The following RUVBL2 variants were observed in gnomAD, a reference collection of about 807,000 sequenced individuals.
The protein encoded by RUVBL2 is ruvB-like 2.
In RUVBL2, 9 loss-of-function variants were observed where a neutral mutation model predicts 57.9. That is an observed-to-expected ratio of 0.16 (90% CI 0.09 to 0.27). RUVBL2 has a LOEUF of 0.27. RUVBL2 is among the 10% of genes least tolerant of loss of function. The pLI, the probability that RUVBL2 is intolerant of heterozygous loss-of-function variation, is 1.00. For missense variants in RUVBL2, 456 were observed against 669.6 expected (o/e 0.68, Z 3.52); for synonymous variants, 278 against 264.6 (o/e 1.05, Z -0.49).
At chr19:48,996,502 CTGTGTGTGTGTGTGTGTGTGTGTGTG>C (rs72341497) in intron 1 of RUVBL2, among the ~76,000 whole-genome samples, 2 of 138,148 alleles carry the variant, frequency 1.4e-5, no homozygotes, top group Non-Finnish European at 1.5e-5. Flanking sequence ...ATTTTTGTAT[CTGTGTGTGTGTGTGTGTGTGTGTGTG>C]TGTGTGTGTG....
intron 9 of RUVBL2, 64 bp downstream of exon 9, chr19:49,010,675 C>A (rs1055872813): frequency 1.9e-6 from 3 of 1,596,940 alleles, no homozygotes; most frequent in Non-Finnish European, 2.6e-6. Context: ...CCCTCGGGCT[C>A]CCTCTGTTCC....
intron 3 of RUVBL2, among the ~76,000 whole-genome samples, chr19:49,003,996 G>C (rs1179681333): frequency 4.6e-5 from 7 of 150,910 alleles, no homozygotes; most frequent in African/African-American, 1.5e-4. Context: ...CACATTTGTG[G>C]TCCCAGCTAC....
intron 2 of RUVBL2, chr19:49,001,724 T>G (rs2039187225): frequency 6.6e-6 from 1 of 151,636 alleles, no homozygotes; most frequent in Non-Finnish European, 1.5e-5. Context: ...ACCATTCTCC[T>G]GTCAGCCTTC....
At chr19:49,003,254 G>A (rs758107329) in intron 2 of RUVBL2, 25 bp from the exon 3 acceptor site, 29 of 1,611,528 alleles carry the variant, frequency 1.8e-5, no homozygotes, top group Non-Finnish European at 2.5e-5. Context: ...TAGTAACTGA[G>A]TCTTTGTTCT....
Position 49,015,626 on chromosome 19 carries a change from G to A in RUVBL2, c.1306G>A (p.Glu436Lys), listed in dbSNP as rs751204254. ...GCGGGTCTACTCACTCTTCCTGGACGAGTCCCGCTCCACGCAGTACATGAA... is the reference window on the plus strand; with the variant it reads ...GCGGGTCTACTCACTCTTCCTGGACAAGTCCCGCTCCACGCAGTACATGAA... ...IKRVYSLFLD[E>K]SRSTQYMKEY... The change falls in exon 14 of 15, where the codon GAG becomes AAG. Residue 436 changes from glutamate (E) to lysine (K), a missense_variant. Glu to Lys is a moderately conservative substitution (Grantham distance 56, BLOSUM62 1). Transcript: ENST00000595090. The A allele has an allele frequency of 3.1e-6, 5 of 1,614,100 alleles. No homozygotes were observed. The highest frequency in any genetic ancestry group is 2.2e-5 in the East Asian group (1 of 44,880).
At chr19:49,009,753 C>A (rs766572007) in intron 6 of RUVBL2, 23 bp from the exon 7 acceptor site, 2 of 1,604,758 alleles carry the variant, frequency 1.2e-6, no homozygotes, top group Non-Finnish European at 1.7e-6. Context: ...TGAGCCCCAT[C>A]CCTGGCTTGT....
In RUVBL2 at chr19:49,007,371, G is replaced by A; in HGVS notation, c.462+3G>A. 1.2e-6 allele frequency: 2 copies of A among 1,613,384 alleles called. No homozygotes were observed. The highest frequency in any genetic ancestry group is 1.7e-5 in the Admixed American group (1 of 59,936). On this transcript the variant is annotated splice_donor_region_variant and intron_variant, in intron 6 of 14. Coordinates refer to ENST00000595090, the MANE Select transcript of RUVBL2 (RefSeq NM_006666.3). ...TTGATCGACCAGCAACAGGGACGGT[G>A]AGTCTGTGTGAGTCTGTACCCTGCT...
At chr19:48,999,512 G>A (rs1428254484) in intron 2 of RUVBL2, 139 bp downstream of exon 2, 2 of 831,894 alleles carry the variant, frequency 2.4e-6, no homozygotes, top group Non-Finnish European at 4.0e-6. Flanking sequence ...TCCCCCACTC[G>A]CCCTATCTAA....
intron 4 of RUVBL2, among the ~76,000 whole-genome samples, chr19:49,004,950 GGTT>G (rs1464588471): frequency 1.3e-5 from 2 of 151,028 alleles, no homozygotes; most frequent in Non-Finnish European, 2.9e-5. Context: ...TTGGGCAAAA[GGTT>G]GTTGTAAAAA....
At chr19:49,010,223 C>T in intron 8 of RUVBL2, 157 bp downstream of exon 8, 2 of 777,370 alleles carry the variant, frequency 2.6e-6, no homozygotes, top group Non-Finnish European at 4.2e-6. Context: ...GACAGCAGGG[C>T]CCCTCAGCCT....
chr19:49,006,191 G>T (rs996037309), intron 4 of RUVBL2, among the ~76,000 whole-genome samples: 1 of 152,258 alleles, frequency 6.6e-6, no homozygotes. Context: ...TTGTGTATCC[G>T]CAAAGAGGAC....
intron 3 of RUVBL2, among the ~76,000 whole-genome samples, chr19:49,004,025 A>C (rs2039234174): frequency 1.4e-5 from 2 of 145,420 alleles, no homozygotes; most frequent in Non-Finnish European, 3.0e-5. Context: ...CTGAGGTGGA[A>C]GGATCTCTTG....
upstream of RUVBL2, chr19:48,993,528 G>A (rs1301734142): frequency 1.1e-5 from 5 of 446,802 alleles, no homozygotes; most frequent in South Asian, 1.1e-4. Flanking sequence ...GTGGCCTTCA[G>A]CTCTGTCAAT....
intron 11 of RUVBL2, among the ~76,000 whole-genome samples, chr19:49,012,823 C>G (rs558923488): frequency 6.0e-5 from 9 of 150,090 alleles, no homozygotes; most frequent in Middle Eastern, 6.8e-3. Flanking sequence ...GATCATGGCA[C>G]ACTGCAGCCT....
At chr19:49,004,035 G>A (rs1364029513) in intron 3 of RUVBL2, among the ~76,000 whole-genome samples, 2 of 138,612 alleles carry the variant, frequency 1.4e-5, no homozygotes, top group African/African-American at 5.4e-5. Context: ...AGGATCTCTT[G>A]ATCCCTAGAG....
At chr19:49,002,095 C>T (rs912767572) in intron 2 of RUVBL2, among the ~76,000 whole-genome samples, 4 of 151,650 alleles carry the variant, frequency 2.6e-5, no homozygotes. Flanking sequence ...GTTGCCCAGG[C>T]TGGAGTGCAG....
chr19:49,002,330 G>A (rs1907592707), intron 2 of RUVBL2, among the ~76,000 whole-genome samples: 1 of 151,698 alleles, frequency 6.6e-6, no homozygotes. Flanking sequence ...GATTATAAGC[G>A]TGAGCCACCG....
intron 1 of RUVBL2, among the ~76,000 whole-genome samples, chr19:48,996,160 A>C (rs146415047): frequency 2.0e-4 from 30 of 151,952 alleles, no homozygotes; most frequent in African/African-American, 7.0e-4. Context: ...CAAAAAAAAA[A>C]ACACAAACCT....
Position 49,010,348 on chromosome 19 carries a change from G to C in RUVBL2, c.664-140G>C, listed in dbSNP as rs570581025. On this transcript the variant is annotated intron_variant, in intron 8 of 14. Transcript: ENST00000595090. Reference sequence around the variant, plus strand: ...TAGTCCTGACTACCTCCTGGGCCTGGGGTTTCCAGATGACCCCATTTAGCC... The same window carrying C: ...TAGTCCTGACTACCTCCTGGGCCTGCGGTTTCCAGATGACCCCATTTAGCC... The C allele has an allele frequency of 4.4e-5, 38 of 866,174 alleles. No individual in the cohort carries two copies. In the South Asian group the frequency reaches 5.6e-4, roughly 13 times the overall value. 53.7% of individuals were successfully genotyped at this position (866,174 alleles called of 1,614,324 possible).
Sources: allele counts gnomAD v4.1 joint callset (sites outside exome capture counted in the v4.1 genomes callset), GRCh38; gene constraint gnomAD v4.1.1; transcripts MANE v1.5; gene names NCBI Gene and HGNC (gene_info 2026-07-23, HGNC 2026-07-21).